KATNA1: variants seen among roughly 807,000 people sequenced by gnomAD.
KATNA1 encodes the protein katanin catalytic subunit A1.
A neutral mutation model predicts 62.6 loss-of-function variants in KATNA1; 42 were observed. That is an observed-to-expected ratio of 0.67 (90% confidence interval 0.52 to 0.87). The LOEUF (loss-of-function observed/expected upper bound fraction) is 0.87. KATNA1 is among the 40% of genes least tolerant of loss of function. The pLI, the probability that KATNA1 is intolerant of heterozygous loss-of-function variation, is 0.00. For synonymous variants in KATNA1, 186 were observed against 201.9 expected, an observed-to-expected ratio of 0.92 and a Z score of 0.67; for missense variants, 498 against 612.5, an observed-to-expected ratio of 0.81 and a Z score of 1.97.
intron 4 of KATNA1, among the ~76,000 whole-genome samples, chr6:149,607,716 C>T (rs982207934): frequency 6.6e-5 from 10 of 152,158 alleles, no homozygotes; most frequent in African/African-American, 2.4e-4. Context: ...TTTTTTCATG[C>T]TCAAAATAAA....
intron 1 of KATNA1, among the ~76,000 whole-genome samples, chr6:149,641,229 T>G (rs1780272183): frequency 1.4e-5 from 2 of 139,046 alleles, no homozygotes; most frequent in Admixed American, 1.6e-4. Context: ...CAGGCTGGAG[T>G]GCGGTGGCAT....
At chr6:149,609,057 A>G (rs1446269615) in intron 4 of KATNA1, among the ~76,000 whole-genome samples, 1 of 152,248 alleles carries the variant, frequency 6.6e-6, no homozygotes, top group African/African-American at 2.4e-5. Context: ...GTAAAGAGAC[A>G]ATGAACAGAT....
chr6:149,648,171 T>C (rs1173408764), intron 1 of KATNA1, among the ~76,000 whole-genome samples: 1 of 151,874 alleles, frequency 6.6e-6, no homozygotes, highest in East Asian at 1.9e-4. Context: ...AGAGAACCAG[T>C]CGAAAAATCG....
intron 4 of KATNA1, among the ~76,000 whole-genome samples, chr6:149,621,731 G>T (rs922873394): frequency 1.3e-5 from 2 of 150,902 alleles, no homozygotes; most frequent in Admixed American, 6.6e-5. Context: ...GGCCTCAAGT[G>T]ATTCACCCGC....
intron 4 of KATNA1, among the ~76,000 whole-genome samples, chr6:149,616,497 T>A (rs532557061): frequency 6.6e-6 from 1 of 152,344 alleles, no homozygotes; most frequent in South Asian, 2.1e-4. Context: ...CAGTGGCTTA[T>A]GCCTGTAATC....
chr6:149,623,397 A>T lies in KATNA1; in HGVS notation c.321-114T>A, dbSNP rs528091575. ...AGAAGCCAATGCAACAACTGAACACAAGACACGACTGAATAAACTTCAGGA... is the reference window on the plus strand; with the variant it reads ...AGAAGCCAATGCAACAACTGAACACTAGACACGACTGAATAAACTTCAGGA... On this transcript the variant is annotated intron_variant, in intron 3 of 10. Coordinates refer to ENST00000367411, the MANE Select transcript of KATNA1 (RefSeq NM_007044.4). 20 of 656,460 alleles carry T rather than the reference A, an allele frequency of 3.0e-5. No homozygotes were observed. The East Asian group carries it at 5.9e-4, about 19-fold the overall frequency. The allele number at this position is 656,460 out of a possible 1,614,324, so 40.7% of individuals were successfully genotyped here.
In KATNA1 at chr6:149,603,272, C is replaced by T. The variant is rs1219377766; in HGVS notation, c.725G>A (p.Trp242Ter). The T allele has an allele frequency of 6.8e-7, 1 of 1,463,314 alleles. No homozygotes were observed. Among genetic ancestry groups the T allele is most frequent in the Non-Finnish European group, 9.4e-7 (1 of 1,059,350 alleles). 90.6% of individuals were successfully genotyped at this position (1,463,314 alleles called of 1,614,324 possible). A position where few individuals can be genotyped will look rare whatever the true frequency, so the allele number is the denominator to read the frequency against. Residue 242 changes from tryptophan to a stop codon, truncating the protein, a stop_gained, in exon 6 of 11, where the codon TGG becomes TAG. Transcript: ENST00000367411. LOFTEE classifies it high-confidence loss of function. ...PEFFKGIRRPWKGVLMVGPPG... is the reference protein window; with the variant it reads ...PEFFKGIRRP ...CCATCACAGTAATAAACTTACTTTCCATGGTCTCCTAATGCCCTTAAAGAA... is the reference window on the plus strand; with the variant it reads ...CCATCACAGTAATAAACTTACTTTCTATGGTCTCCTAATGCCCTTAAAGAA...
intron 1 of KATNA1, among the ~76,000 whole-genome samples, chr6:149,639,877 AG>A (rs1780214357): frequency 6.6e-6 from 1 of 152,236 alleles, no homozygotes; most frequent in South Asian, 2.1e-4. Context: ...TGCATCTGAA[AG>A]GTGTGAGACT....
chr6:149,631,410 A>C (rs1323289354), intron 3 of KATNA1: 1 of 152,166 alleles, frequency 6.6e-6, no homozygotes, highest in African/African-American at 2.4e-5. Flanking sequence ...AAAAACAAAT[A>C]AATAAAATAA....
chr6:149,603,733 A>G (rs1030491431), intron 5 of KATNA1, among the ~76,000 whole-genome samples: 2 of 151,928 alleles, frequency 1.3e-5, no homozygotes, highest in African/African-American at 4.8e-5. Flanking sequence ...TTTTAAAACT[A>G]AAAAAAAGCA....
intron 1 of KATNA1, among the ~76,000 whole-genome samples, chr6:149,646,579 T>C (rs990317925): frequency 1.3e-5 from 2 of 152,208 alleles, no homozygotes; most frequent in African/African-American, 2.4e-5. Flanking sequence ...AATTACAGCA[T>C]GGCATACATT....
chr6:149,620,809 A>G (rs888924778), intron 4 of KATNA1, among the ~76,000 whole-genome samples: 5 of 151,174 alleles, frequency 3.3e-5, no homozygotes, highest in African/African-American at 1.2e-4. Flanking sequence ...AAAATAACAA[A>G]CAAAAATTTT....
At chr6:149,610,473 A>G (rs768763677) in intron 4 of KATNA1, among the ~76,000 whole-genome samples, 5 of 152,154 alleles carry the variant, frequency 3.3e-5, no homozygotes, top group Non-Finnish European at 5.9e-5. Context: ...AAACTTAGAC[A>G]AGTTTAAAAA....
At chr6:149,606,208 T>G (rs757655445) in intron 4 of KATNA1, among the ~76,000 whole-genome samples, 20 of 152,294 alleles carry the variant, frequency 1.3e-4, no homozygotes, top group Non-Finnish European at 2.5e-4. Flanking sequence ...GCCCAATAGG[T>G]GTTAAACTGC....
chr6:149,629,418 T>C (rs1392350375), intron 3 of KATNA1, among the ~76,000 whole-genome samples: 5 of 152,062 alleles, frequency 3.3e-5, no homozygotes, highest in African/African-American at 1.2e-4. Context: ...TGGAACCAAA[T>C]TGGCCACATC....
chr6:149,616,213 G>A (rs1346956593), intron 4 of KATNA1, among the ~76,000 whole-genome samples: 2 of 152,094 alleles, frequency 1.3e-5, no homozygotes, highest in Non-Finnish European at 2.9e-5. Flanking sequence ...CGTTAAAATG[G>A]TAAATTTTAT....
intron 4 of KATNA1, among the ~76,000 whole-genome samples, chr6:149,613,345 T>C (rs111909329): frequency 0.027 from 4,109 of 152,004 alleles, 165 homozygotes; most frequent in African/African-American, 0.092. Flanking sequence ...TCTTAAATAT[T>C]TGACATAGTA....
At chr6:149,628,807 G>A (rs541166801) in intron 3 of KATNA1, among the ~76,000 whole-genome samples, 33 of 145,566 alleles carry the variant, frequency 2.3e-4, no homozygotes, top group African/African-American at 7.1e-4. Flanking sequence ...GCAACAGAGC[G>A]AGACTCCATC....
At chr6:149,634,347 G>C (rs1779988401) in intron 2 of KATNA1, among the ~76,000 whole-genome samples, 2 of 141,496 alleles carry the variant, frequency 1.4e-5, no homozygotes, top group South Asian at 2.2e-4. Context: ...TGAAAAGTTA[G>C]GCATAACTTT....
Sources: gnomAD v4.1 joint callset for allele counts (sites outside exome capture counted in the v4.1 genomes callset) on GRCh38, gnomAD v4.1.1 for gene constraint, MANE v1.5 for transcripts, NCBI Gene and HGNC (gene_info 2026-07-23, HGNC 2026-07-21) for gene names.